The following STXBP4 variants were observed in gnomAD, a reference collection of about 807,000 sequenced individuals.
STXBP4 encodes the protein syntaxin-binding protein 4.
A neutral mutation model predicts 76.1 loss-of-function variants in STXBP4; 55 were observed. That is an observed-to-expected ratio of 0.72 (90% CI 0.58 to 0.91). The LOEUF (loss-of-function observed/expected upper bound fraction) is 0.91. STXBP4 is among the 40% of genes least tolerant of loss of function. STXBP4 has a pLI of 0.00. For synonymous variants in STXBP4, 201 were observed against 220.2 expected (o/e 0.91, Z 0.77); for missense variants, 618 against 636.9 (o/e 0.97, Z 0.32).
intron 3 of STXBP4, 61 bp downstream of exon 3, chr17:54,986,327 C>T (rs1198640482): frequency 6.7e-6 from 9 of 1,339,086 alleles, no homozygotes; most frequent in Non-Finnish European, 9.4e-6. Context: ...TATTAATGAA[C>T]ATTTGATTAA....
intron 1 of STXBP4, among the ~76,000 whole-genome samples, chr17:54,979,748 T>A (rs1015361711): frequency 6.6e-6 from 1 of 152,220 alleles, no homozygotes; most frequent in African/African-American, 2.4e-5. Context: ...CTATTTGGAC[T>A]TAGTATTAAA....
intron 16 of STXBP4, among the ~76,000 whole-genome samples, chr17:55,096,535 C>G (rs1402153940): frequency 2.6e-5 from 4 of 151,832 alleles, no homozygotes; most frequent in Admixed American, 6.6e-5. Context: ...AAGATATCTC[C>G]CTCATTGATA....
intron 16 of STXBP4, among the ~76,000 whole-genome samples, chr17:55,136,959 A>G (rs1377308284): frequency 1.3e-5 from 2 of 152,240 alleles, no homozygotes; most frequent in African/African-American, 2.4e-5. Context: ...ATTAATAACA[A>G]TGGTCTCCTT....
chr17:55,127,315 A>G (rs1000595842), intron 16 of STXBP4, among the ~76,000 whole-genome samples: 2 of 152,176 alleles, frequency 1.3e-5, no homozygotes, highest in Non-Finnish European at 2.9e-5. Flanking sequence ...ATTCCATTAT[A>G]TTGTTATGCC....
chr17:55,104,775 T>C (rs746886772), intron 16 of STXBP4, among the ~76,000 whole-genome samples: 23 of 152,202 alleles, frequency 1.5e-4, no homozygotes, highest in Non-Finnish European at 2.5e-4. Flanking sequence ...TTTTGGTTGG[T>C]AGGCTGTTAA....
At chr17:55,049,116 GGAAA>G (rs1034189859) in intron 12 of STXBP4, among the ~76,000 whole-genome samples, 8 of 151,992 alleles carry the variant, frequency 5.3e-5, no homozygotes, top group African/African-American at 1.4e-4. Context: ...GGACATGAAA[GGAAA>G]GAAAGAAAGT....
chr17:55,174,343 T>A (rs1009600319), downstream of STXBP4, among the ~76,000 whole-genome samples: 4 of 152,196 alleles, frequency 2.6e-5, no homozygotes, highest in African/African-American at 9.7e-5. Flanking sequence ...CATGCCCTTG[T>A]CAACACTTGG....
chr17:55,092,109 T>C (rs912175044), intron 16 of STXBP4, among the ~76,000 whole-genome samples: 3 of 152,078 alleles, frequency 2.0e-5, no homozygotes, highest in African/African-American at 7.2e-5. Context: ...AGCTAAGATA[T>C]GAGGACGCAA....
intron 16 of STXBP4, among the ~76,000 whole-genome samples, chr17:55,135,298 A>G (rs892664191): frequency 5.9e-5 from 9 of 152,150 alleles, no homozygotes; most frequent in African/African-American, 2.2e-4. Context: ...TAATTACGTT[A>G]ACATTTTAAC....
At chr17:55,025,876 A>G (rs2144652215) in intron 8 of STXBP4, among the ~76,000 whole-genome samples, 1 of 152,372 alleles carries the variant, frequency 6.6e-6, no homozygotes, top group East Asian at 1.9e-4. Context: ...GATCTTGTAT[A>G]TAAGAAATCC....
intron 7 of STXBP4, among the ~76,000 whole-genome samples, chr17:55,001,287 A>G (rs1261965722): frequency 6.6e-6 from 1 of 152,222 alleles, no homozygotes; most frequent in Non-Finnish European, 1.5e-5. Context: ...AAAGAAATGT[A>G]TCTTGTTTTT....
At chr17:54,985,077 A>G (rs915225888) in intron 1 of STXBP4, among the ~76,000 whole-genome samples, 1 of 152,162 alleles carries the variant, frequency 6.6e-6, no homozygotes, top group Non-Finnish European at 1.5e-5. Context: ...TTAACTGAAA[A>G]TCGGGTTTTT....
intron 4 of STXBP4, among the ~76,000 whole-genome samples, chr17:54,997,572 A>T (rs1348228644): frequency 6.9e-6 from 1 of 145,702 alleles, no homozygotes; most frequent in East Asian, 2.0e-4. Flanking sequence ...ATATTATATA[A>T]TATAAATATA....
At chr17:55,011,837 C>G (rs978450825) in intron 8 of STXBP4, among the ~76,000 whole-genome samples, 1 of 152,092 alleles carries the variant, frequency 6.6e-6, no homozygotes, top group African/African-American at 2.4e-5. Flanking sequence ...AGTCCTGTCT[C>G]TCAGTCCCCC....
At position 55,170,470 on chromosome 17, in the gene STXBP4, AT is replaced by A. The variant is rs2080399936; in HGVS notation, c.*10563del. 1.3e-5 allele frequency: 2 copies of A among 152,152 alleles called. No homozygotes were observed. Among genetic ancestry groups the A allele is most frequent in the African/African-American group, 4.8e-5 (2 of 41,452 alleles). The allele number at this position is 152,152 out of a possible 1,614,324, so 9.4% of individuals were successfully genotyped here. On this transcript the variant is annotated 3_prime_UTR_variant, in exon 18 of 18. Coordinates refer to ENST00000376352, the MANE Select transcript of STXBP4 (RefSeq NM_178509.6). ...TTAGATGACATTATTTGTGATATCT[AT>A]TTTATTTATTATATTTTTCTGCATA...
chr17:55,014,664 G>A (rs117153635), intron 8 of STXBP4, among the ~76,000 whole-genome samples: 9 of 152,264 alleles, frequency 5.9e-5, no homozygotes, highest in Non-Finnish European at 1.2e-4. Flanking sequence ...TCCTGCTGCT[G>A]GATCCATCTG....
intron 16 of STXBP4, among the ~76,000 whole-genome samples, chr17:55,110,325 A>T (rs967222257): frequency 2.6e-5 from 4 of 152,342 alleles, no homozygotes; most frequent in East Asian, 3.9e-4. Flanking sequence ...TGTTACATAA[A>T]ATAGTCATAG....
At chr17:55,193,560 C>T in the STXBP4 span, among the ~76,000 whole-genome samples, 2 of 151,818 alleles carry the variant, frequency 1.3e-5, no homozygotes, top group African/African-American at 2.4e-5. Context: ...CAGTAAAATA[C>T]AAGGAGAAAG....
chr17:55,150,672 G>A (rs2080206346), intron 17 of STXBP4, among the ~76,000 whole-genome samples: 1 of 152,066 alleles, frequency 6.6e-6, no homozygotes, highest in Non-Finnish European at 1.5e-5. Context: ...CAAGTTTTAG[G>A]CAAATTGCAA....
Sources: gnomAD v4.1 joint callset for allele counts (sites outside exome capture counted in the v4.1 genomes callset) on GRCh38, gnomAD v4.1.1 for gene constraint, MANE v1.5 for transcripts, NCBI Gene and HGNC (gene_info 2026-07-23, HGNC 2026-07-21) for gene names.